The following ADARB2 variants were observed in gnomAD, a reference collection of about 807,000 sequenced individuals.
The protein encoded by ADARB2 is adenosine deaminase RNA specific B2 (inactive).
ADARB2 carries 25 observed loss-of-function variants against 62.2 expected under a neutral mutation model. The observed-to-expected ratio is 0.40, with a 90% CI of 0.29 to 0.56. The LOEUF (loss-of-function observed/expected upper bound fraction) is 0.56, where lower values mean the gene tolerates loss of function less well. Among genes scored for constraint, ADARB2 ranks in the 20% least tolerant of loss-of-function variants. ADARB2 has a pLI of 0.43. For synonymous variants in ADARB2, 572 were observed against 500.8 expected, an observed-to-expected ratio of 1.14 and a Z score of -1.90; for missense variants, 1,071 against 1,077.4, an observed-to-expected ratio of 0.99 and a Z score of 0.08.
chr10:1,642,011 T>A lies in ADARB2; in HGVS notation c.100+95040A>T, dbSNP rs576025139. Among the ~76,000 whole-genome samples the A allele has an allele frequency of 2.5e-4, 38 of 151,248 alleles. 1 individual carries two copies. The highest frequency in any genetic ancestry group is 1.9e-3 in the South Asian group (9 of 4,778). ...CTGGGCTACAGAGCGAGACTCCATTTAAAAAAAAAAGTGTTCCTGTTATAA... is the reference window on the plus strand; with the variant it reads ...CTGGGCTACAGAGCGAGACTCCATTAAAAAAAAAAAGTGTTCCTGTTATAA... On this transcript the variant is annotated intron_variant, in intron 1 of 9. Coordinates refer to ENST00000381312, the MANE Select transcript of ADARB2 (RefSeq NM_018702.4).
intron 1 of ADARB2, among the ~76,000 whole-genome samples, chr10:1,720,887 G>A (rs59635733): frequency 0.023 from 3,482 of 152,266 alleles, 141 homozygotes; most frequent in African/African-American, 0.078. Context: ...CCACTGGCTC[G>A]CTGCAGTGCT....
chr10:1,668,236 T>C (rs772463498), intron 1 of ADARB2, among the ~76,000 whole-genome samples: 5 of 152,230 alleles, frequency 3.3e-5, no homozygotes, highest in Non-Finnish European at 5.9e-5. Flanking sequence ...GAGTGAAGTC[T>C]TCCTTCTTTG....
intron 4 of ADARB2, among the ~76,000 whole-genome samples, chr10:1,265,049 C>T (rs1269781172): frequency 6.6e-6 from 1 of 152,096 alleles, no homozygotes; most frequent in Non-Finnish European, 1.5e-5. Flanking sequence ...GCATGGTCAC[C>T]ACCGGGCCTT....
At chr10:1,727,331 C>G (rs766293728) in intron 1 of ADARB2, among the ~76,000 whole-genome samples, 1 of 152,084 alleles carries the variant, frequency 6.6e-6, no homozygotes, top group Non-Finnish European at 1.5e-5. Flanking sequence ...CTTCTCTGCT[C>G]GTCTCGTCAC....
At chr10:1,275,976 T>C (rs1444054958) in intron 3 of ADARB2, among the ~76,000 whole-genome samples, 1 of 152,092 alleles carries the variant, frequency 6.6e-6, no homozygotes, top group Non-Finnish European at 1.5e-5. Flanking sequence ...TACGTGTGCA[T>C]GTGTCTTTAT....
At chr10:1,594,405 T>C (rs1348964990) in intron 1 of ADARB2, among the ~76,000 whole-genome samples, 1 of 152,148 alleles carries the variant, frequency 6.6e-6, no homozygotes, top group Non-Finnish European at 1.5e-5. Flanking sequence ...GGTTTCTCTC[T>C]CCATTTTTCT....
chr10:1,285,983 C>T (rs11596488), intron 3 of ADARB2, among the ~76,000 whole-genome samples: 2,664 of 151,938 alleles, frequency 0.018, 35 homozygotes, highest in Non-Finnish European at 0.027. Context: ...GTTAGATTTG[C>T]ACGTGGGTGG....
chr10:1,462,601 A>C (rs533693561), intron 1 of ADARB2, among the ~76,000 whole-genome samples: 3 of 145,486 alleles, frequency 2.1e-5, no homozygotes, highest in African/African-American at 5.2e-5. Context: ...GTGTATGTGC[A>C]TGTGTGTATG....
At chr10:1,683,467 A>G (rs1411277327) in intron 1 of ADARB2, among the ~76,000 whole-genome samples, 1 of 152,220 alleles carries the variant, frequency 6.6e-6, no homozygotes, top group East Asian at 1.9e-4. Context: ...TGAAAAGTTC[A>G]GAAACTCCCA....
At chr10:1,461,770 C>T (rs562961240) in intron 1 of ADARB2, among the ~76,000 whole-genome samples, 29 of 152,080 alleles carry the variant, frequency 1.9e-4, no homozygotes, top group East Asian at 1.7e-3. Context: ...GAGGCCGAGG[C>T]GGGCACATCA....
At chr10:1,638,383 G>A (rs965432275) in intron 1 of ADARB2, among the ~76,000 whole-genome samples, 3 of 152,148 alleles carry the variant, frequency 2.0e-5, no homozygotes, top group South Asian at 2.1e-4. Context: ...ATATCTCTTA[G>A]CATTAATACA....
intron 1 of ADARB2, among the ~76,000 whole-genome samples, chr10:1,452,799 T>TA (rs1251952300): frequency 1.6e-5 from 2 of 125,648 alleles, no homozygotes; most frequent in Non-Finnish European, 1.7e-5. Context: ...TAAAGTATAA[T>TA]AAAAAAAGAA....
At chr10:1,257,575 G>A (rs1049568594) in intron 4 of ADARB2, among the ~76,000 whole-genome samples, 18 of 152,200 alleles carry the variant, frequency 1.2e-4, no homozygotes, top group Non-Finnish European at 2.5e-4. Flanking sequence ...GGTCCAGAGC[G>A]CTGTGCATGA....
At chr10:1,495,599 T>TATTAATATAATCA in intron 1 of ADARB2, among the ~76,000 whole-genome samples, 1 of 71,338 alleles carries the variant, frequency 1.4e-5, no homozygotes, top group Non-Finnish European at 3.7e-5. Context: ...GTGGTAAGCT[T>TATTAATATAATCA]TAGAGGAGCC....
chr10:1,481,631 T>C (rs531198444), intron 1 of ADARB2, among the ~76,000 whole-genome samples: 1 of 21,406 alleles, frequency 4.7e-5, no homozygotes, highest in African/African-American at 5.2e-5. Context: ...AGCTGAAGTG[T>C]GCGGATCACG....
chr10:1,626,655 C>G (rs2119037714), intron 1 of ADARB2, among the ~76,000 whole-genome samples: 1 of 152,278 alleles, frequency 6.6e-6, no homozygotes, highest in South Asian at 2.1e-4. Context: ...TGCCCCCACA[C>G]TCGACATGGA....
At position 1,363,052 on chromosome 10, in the gene ADARB2, C is replaced by T. The variant is rs1005188984; in HGVS notation, c.1053G>A (p.Arg351=). 4 of 1,436,130 alleles carry T rather than the reference C, an allele frequency of 2.8e-6. No homozygotes were observed. Among genetic ancestry groups the T allele is most frequent in the Non-Finnish European group, 2.7e-6 (3 of 1,095,936 alleles). The allele number at this position is 1,436,130 out of a possible 1,614,324, so 89.0% of individuals were successfully genotyped here. The change falls in exon 3 of 10, where the codon AGG becomes AGA. Residue 351 remains arginine, a synonymous_variant. Coordinates refer to ENST00000381312, the MANE Select transcript of ADARB2 (RefSeq NM_018702.4). ...CCTGCGGCATTGGCGTCCTCCTGGCCCTGCCGGGCGCGTGGCCGGGCATCT... is the reference window on the plus strand; with the variant it reads ...CCTGCGGCATTGGCGTCCTCCTGGCTCTGCCGGGCGCGTGGCCGGGCATCT... ...DIQMPGHAPG[R]ARRTPMPQEF... is the part of the protein sequence containing the mutation.
intron 1 of ADARB2, among the ~76,000 whole-genome samples, chr10:1,445,807 G>A (rs1238479467): frequency 6.6e-6 from 1 of 152,230 alleles, no homozygotes; most frequent in East Asian, 1.9e-4. Context: ...AAGCTGACCT[G>A]TGTGATGGAA....
At chr10:1,461,568 G>T (rs1831174960) in intron 1 of ADARB2, among the ~76,000 whole-genome samples, 1 of 152,056 alleles carries the variant, frequency 6.6e-6, no homozygotes, top group Admixed American at 6.5e-5. Context: ...TTTCCAGAGG[G>T]ATTCTTTAAT....
Sources: allele counts gnomAD v4.1 joint callset (sites outside exome capture counted in the v4.1 genomes callset), GRCh38; gene constraint gnomAD v4.1.1; transcripts MANE v1.5; gene names NCBI Gene and HGNC (gene_info 2026-07-23, HGNC 2026-07-21).